The following ASAP1 variants were observed in gnomAD, a reference collection of about 807,000 sequenced individuals.
The protein encoded by ASAP1 is ArfGAP with SH3 domain, ankyrin repeat and PH domain 1.
Under a neutral mutation model 145.2 loss-of-function variants are expected in ASAP1, and 43 were observed. The observed-to-expected ratio is 0.30, with a 90% CI of 0.23 to 0.38. The LOEUF is 0.38. Among genes scored for constraint, ASAP1 ranks in the 10% least tolerant of loss-of-function variants. ASAP1 has a pLI of 1.00. For synonymous variants in ASAP1, 546 were observed against 515.5 expected (o/e 1.06, Z -0.80); for missense variants, 1,018 against 1,355.3 (o/e 0.75, Z 3.91).
At chr8:130,242,272 A>AAAAAC (rs1554855703) in intron 3 of ASAP1, among the ~76,000 whole-genome samples, 1 of 149,540 alleles carries the variant, frequency 6.7e-6, no homozygotes, top group African/African-American at 2.5e-5. Context: ...AAAAAAAAAA[A>AAAAAC]AAAAAAAAAA....
intron 2 of ASAP1, among the ~76,000 whole-genome samples, chr8:130,366,805 G>GC (rs1400128593): frequency 1.5e-4 from 23 of 151,798 alleles, no homozygotes; most frequent in African/African-American, 5.1e-4. Flanking sequence ...TTAGCACAGT[G>GC]CCTGGTATAT....
At chr8:130,320,273 G>C (rs935689151) in intron 3 of ASAP1, among the ~76,000 whole-genome samples, 27 of 152,090 alleles carry the variant, frequency 1.8e-4, no homozygotes, top group African/African-American at 6.3e-4. Flanking sequence ...GAAATACAGA[G>C]GGCCAGGAAC....
At chr8:130,259,540 A>G (rs1407533139) in intron 3 of ASAP1, among the ~76,000 whole-genome samples, 2 of 152,212 alleles carry the variant, frequency 1.3e-5, no homozygotes, top group Non-Finnish European at 2.9e-5. Context: ...TGATCCAACA[A>G]GTGCCCTTTG....
chr8:130,178,709 C>A (rs186051585), intron 9 of ASAP1, among the ~76,000 whole-genome samples: 9 of 152,106 alleles, frequency 5.9e-5, no homozygotes, highest in African/African-American at 2.2e-4. Flanking sequence ...CACGGTGAGA[C>A]CCAGTCTCTA....
At chr8:130,261,497 G>A (rs1196944857) in intron 3 of ASAP1, among the ~76,000 whole-genome samples, 1 of 152,164 alleles carries the variant, frequency 6.6e-6, no homozygotes, top group Admixed American at 6.5e-5. Context: ...GGAAAATACG[G>A]GAATGGGGTG....
intron 4 of ASAP1, among the ~76,000 whole-genome samples, chr8:130,235,438 T>G (rs1363527335): frequency 1.3e-5 from 2 of 152,098 alleles, no homozygotes; most frequent in Non-Finnish European, 2.9e-5. Flanking sequence ...ATCAGCACCT[T>G]AGAAGCCCAC....
At chr8:130,390,939 G>C (rs28668341) in intron 2 of ASAP1, among the ~76,000 whole-genome samples, 53,124 of 138,414 alleles carry the variant, frequency 0.38, 10,890 homozygotes, top group African/African-American at 0.52. Context: ...TATATCCCCC[G>C]CCCCCCCAAA....
chr8:130,191,524 A>C (rs1483888975), intron 5 of ASAP1, among the ~76,000 whole-genome samples: 2 of 151,156 alleles, frequency 1.3e-5, no homozygotes, highest in African/African-American at 4.8e-5. Context: ...ACCTGTGGAG[A>C]GCTCATATTC....
At chr8:130,146,716 C>T (rs987394535) in intron 13 of ASAP1, among the ~76,000 whole-genome samples, 2 of 152,154 alleles carry the variant, frequency 1.3e-5, no homozygotes, top group Non-Finnish European at 2.9e-5. Context: ...TTATCTTCAG[C>T]GCTCTGGATG....
chr8:130,080,101 G>A (rs775685211), intron 25 of ASAP1, 130 bp from the exon 26 acceptor site: 28 of 780,184 alleles, frequency 3.6e-5, no homozygotes, highest in Admixed American at 9.2e-5. Flanking sequence ...AAGCCAAAAC[G>A]GCATGCATTT....
chr8:130,073,201 C>A (rs1163447288), intron 27 of ASAP1, among the ~76,000 whole-genome samples: 4 of 151,492 alleles, frequency 2.6e-5, no homozygotes, highest in African/African-American at 4.8e-5. Flanking sequence ...ACCAGCCTGA[C>A]CAACACGGAG....
chr8:130,179,248 G>A lies in ASAP1; in HGVS notation c.746+16C>T, dbSNP rs777073792. ...AGTAATTGGGCTAATAACAATGCTT[G>A]CAATATTCTACTCACTTGCACTGTG... On this transcript the variant is annotated intron_variant, in intron 9 of 29. Transcript: ENST00000518721. The A allele has an allele frequency of 4.6e-6, 7 of 1,528,928 alleles. No individual in the cohort carries two copies. Among genetic ancestry groups the A allele is most frequent in the Non-Finnish European group, 6.3e-6 (7 of 1,105,706 alleles). 94.7% of individuals were successfully genotyped at this position (1,528,928 alleles called of 1,614,324 possible).
At chr8:130,155,443 T>C (rs1226898182) in intron 12 of ASAP1, among the ~76,000 whole-genome samples, 1 of 152,204 alleles carries the variant, frequency 6.6e-6, no homozygotes, top group Non-Finnish European at 1.5e-5. Flanking sequence ...CATGGCTCAC[T>C]GCAGTCTTGA....
intron 3 of ASAP1, among the ~76,000 whole-genome samples, chr8:130,314,713 G>A (rs912142906): frequency 3.9e-5 from 6 of 152,220 alleles, no homozygotes; most frequent in Non-Finnish European, 8.8e-5. Context: ...AACTGCTGTG[G>A]CATCTACATG....
At chr8:130,400,723 G>A (rs1828754798) in intron 2 of ASAP1, among the ~76,000 whole-genome samples, 4 of 151,240 alleles carry the variant, frequency 2.6e-5, no homozygotes, top group South Asian at 4.2e-4. Context: ...GCCGGGAGGC[G>A]GAGCTTGCAG....
chr8:130,164,528 C>T (rs527483789), intron 11 of ASAP1, among the ~76,000 whole-genome samples: 15 of 152,238 alleles, frequency 9.9e-5, no homozygotes, highest in African/African-American at 3.6e-4. Flanking sequence ...GAGGCAGAGG[C>T]TGCAGTGAGC....
intron 24 of ASAP1, among the ~76,000 whole-genome samples, chr8:130,097,657 T>C (rs115965694): frequency 0.016 from 2,419 of 152,310 alleles, 37 homozygotes; most frequent in African/African-American, 0.041. Context: ...GAAGTGACTA[T>C]GCTCACCCTG....
intron 14 of ASAP1, among the ~76,000 whole-genome samples, chr8:130,135,892 C>T (rs370628399): frequency 6.6e-6 from 1 of 152,154 alleles, no homozygotes; most frequent in African/African-American, 2.4e-5. Flanking sequence ...ACAGATGCTG[C>T]AGAATACAGT....
chr8:130,177,822 A>C (rs1025200182), intron 9 of ASAP1, among the ~76,000 whole-genome samples: 1 of 152,210 alleles, frequency 6.6e-6, no homozygotes, highest in Admixed American at 6.5e-5. Context: ...TAGAATCATC[A>C]CAGCTGTCAA....
Sources: allele counts gnomAD v4.1 joint callset (sites outside exome capture counted in the v4.1 genomes callset), GRCh38; gene constraint gnomAD v4.1.1; transcripts MANE v1.5; gene names NCBI Gene and HGNC (gene_info 2026-07-23, HGNC 2026-07-21).